The following IQCK variants were observed in gnomAD, a reference collection of about 807,000 sequenced individuals.
IQCK encodes the protein IQ motif containing K, also known as IQ domain-containing protein K.
IQCK carries 29 observed loss-of-function variants against 28.1 expected under a neutral mutation model. That is an observed-to-expected ratio of 1.03 (90% CI 0.77 to 1.41). The LOEUF (loss-of-function observed/expected upper bound fraction) is 1.41, where lower values mean the gene tolerates loss of function less well. IQCK is among the 40% of genes most tolerant of loss of function. IQCK has a pLI of 0.00. For missense variants in IQCK, 359 were observed against 314.7 expected (o/e 1.14, Z -1.07); for synonymous variants, 113 against 115.1 (o/e 0.98, Z 0.12).
intron 4 of IQCK, among the ~76,000 whole-genome samples, chr16:19,753,589 A>G (rs1232470775): frequency 6.6e-6 from 1 of 152,122 alleles, no homozygotes; most frequent in Non-Finnish European, 1.5e-5. Context: ...CCAAAATAAG[A>G]TGGAAGGGAT....
At chr16:19,735,729 T>A in intron 4 of IQCK, 1 of 418,076 alleles carries the variant, frequency 2.4e-6, no homozygotes, top group Non-Finnish European at 4.4e-6. Flanking sequence ...TCCACCAGGT[T>A]TCTTGGGTCT....
intron 9 of IQCK, among the ~76,000 whole-genome samples, chr16:19,848,565 T>TG (rs1035010597): frequency 2.0e-5 from 3 of 152,172 alleles, no homozygotes; most frequent in Admixed American, 6.5e-5. Context: ...GCAGTCCACC[T>TG]GGGGGGAAAG....
chr16:19,761,688 C>T lies in IQCK; in HGVS notation c.475-2160C>T. On this transcript the variant is annotated intron_variant, in intron 4 of 7. Transcript: ENST00000564186. ...ATAGAAGACAGGATATCTGGTGCTC[C>T]ACCCCATTGGCAGGCTCAGCTTATC... 1.1e-5 allele frequency: 3 copies of T among 271,368 alleles called. No homozygotes were observed. The South Asian group carries it at 1.2e-4, about 10-fold the overall frequency. The allele number at this position is 271,368 out of a possible 1,614,324, so 16.8% of individuals were successfully genotyped here.
At chr16:19,851,324 T>C (rs1043060988) in intron 9 of IQCK, among the ~76,000 whole-genome samples, 12 of 152,142 alleles carry the variant, frequency 7.9e-5, no homozygotes, top group Non-Finnish European at 1.5e-4. Flanking sequence ...GAGATTCTGT[T>C]TCTAAAGGTC....
chr16:19,827,162 T>A lies in IQCK; in HGVS notation c.827T>A (p.Leu276Ter), dbSNP rs550375896. 8.1e-6 allele frequency: 12 copies of A among 1,480,184 alleles called. No homozygotes were observed. In the East Asian group the frequency reaches 2.7e-4, roughly 33 times the overall value. The allele number at this position is 1,480,184 out of a possible 1,614,324, so 91.7% of individuals were successfully genotyped here. ...GGTAAGTTGCTGGATTCACTGTCCT[T>A]AGTTCATTCAAGAAAAGCCTGATTC... The change falls in exon 8 of 8, where the codon TTA becomes TAA. Residue 276 changes from leucine to a stop codon, truncating the protein, a stop_gained. Coordinates refer to ENST00000564186, the Ensembl canonical transcript of IQCK. LOFTEE classifies it high-confidence loss of function.
chr16:19,747,617 G>GT (rs1229773943), intron 4 of IQCK, among the ~76,000 whole-genome samples: 2 of 151,842 alleles, frequency 1.3e-5, no homozygotes, highest in East Asian at 3.9e-4. Context: ...CCAATAAGTA[G>GT]TTTGTCATCA....
intron 9 of IQCK, among the ~76,000 whole-genome samples, chr16:19,849,261 G>GTTTTTTTTTT (rs71146276): frequency 7.0e-6 from 1 of 142,156 alleles, no homozygotes. Flanking sequence ...CTATGTTCAG[G>GTTTTTTTTTT]TTTTTTTTTT....
At chr16:19,822,852 G>A (rs769443415) in intron 7 of IQCK, among the ~76,000 whole-genome samples, 2 of 152,270 alleles carry the variant, frequency 1.3e-5, no homozygotes, top group Non-Finnish European at 1.5e-5. Flanking sequence ...TTTATGCTAC[G>A]TGTATTTGAC....
chr16:19,759,968 T>A (rs1210497982), intron 4 of IQCK, among the ~76,000 whole-genome samples: 1 of 151,122 alleles, frequency 6.6e-6, no homozygotes, highest in East Asian at 1.9e-4. Flanking sequence ...CTACAGAAAG[T>A]TTTAAAAGTA....
intron 4 of IQCK, among the ~76,000 whole-genome samples, chr16:19,737,166 G>GA (rs1442200350): frequency 6.6e-6 from 1 of 150,952 alleles, no homozygotes; most frequent in Non-Finnish European, 1.5e-5. Flanking sequence ...GTCTCCAAAA[G>GA]AAAAAAAAGA....
chr16:19,853,000 G>A (rs916334379), intron 9 of IQCK, among the ~76,000 whole-genome samples: 1 of 152,168 alleles, frequency 6.6e-6, no homozygotes, highest in Non-Finnish European at 1.5e-5. Flanking sequence ...ATAATCACTG[G>A]TCAAGTAGAC....
chr16:19,730,534 T>C (rs1295400008), intron 2 of IQCK, 40 bp downstream of exon 2: 4 of 1,446,836 alleles, frequency 2.8e-6, no homozygotes, highest in African/African-American at 2.8e-5. Flanking sequence ...AAGAAGCTCT[T>C]AAATGAGAAT....
chr16:19,837,211 C>T (rs567279616), intron 9 of IQCK, among the ~76,000 whole-genome samples: 19 of 152,006 alleles, frequency 1.2e-4, no homozygotes, highest in East Asian at 3.9e-4. Context: ...GAGACCAGCC[C>T]GGGCAACACA....
exon 10 of IQCK, chr16:19,857,498 C>G (rs2056576634): frequency 2.3e-6 from 1 of 428,228 alleles, no homozygotes; most frequent in Non-Finnish European, 4.5e-6. Flanking sequence ...CATTATAAAA[C>G]ACACATTAAT....
At chr16:19,803,766 GT>G (rs1373153797) in intron 7 of IQCK, among the ~76,000 whole-genome samples, 16 of 152,058 alleles carry the variant, frequency 1.1e-4, no homozygotes, top group Admixed American at 3.9e-4. Flanking sequence ...GATTCTCCCA[GT>G]TCAGCCTCCC....
At chr16:19,827,230 G>T, downstream of IQCK, 1 of 834,898 alleles carries the variant, frequency 1.2e-6, no homozygotes. Context: ...CTTTTGTAAG[G>T]TCCTTGTCTG....
intron 9 of IQCK, among the ~76,000 whole-genome samples, chr16:19,834,166 C>G (rs1033164357): frequency 6.6e-6 from 1 of 152,162 alleles, no homozygotes; most frequent in African/African-American, 2.4e-5. Flanking sequence ...TTGCCGAGAG[C>G]AAAGAAGGAT....
intron 4 of IQCK, among the ~76,000 whole-genome samples, chr16:19,747,375 C>A (rs8051997): frequency 0.054 from 8,267 of 152,112 alleles, 701 homozygotes; most frequent in African/African-American, 0.18. Context: ...CAATTAGACA[C>A]GTCAAGGCCT....
At chr16:19,768,043 G>GTTTTTTTTTTTTTTTT (rs2055267375) in intron 6 of IQCK, among the ~76,000 whole-genome samples, 1 of 144,732 alleles carries the variant, frequency 6.9e-6, no homozygotes. Flanking sequence ...AACTTCCTAG[G>GTTTTTTTTTTTTTTTT]TAATTCTAAT....
Sources: allele counts gnomAD v4.1 joint callset (sites outside exome capture counted in the v4.1 genomes callset), GRCh38; gene constraint gnomAD v4.1.1; transcripts MANE v1.5; gene names NCBI Gene and HGNC (gene_info 2026-07-23, HGNC 2026-07-21).